The following FAM135B variants were observed in gnomAD, a reference collection of about 807,000 sequenced individuals.
The protein encoded by FAM135B is protein FAM135B.
FAM135B carries 43 observed loss-of-function variants against 127.7 expected under a neutral mutation model. The observed-to-expected ratio is 0.34, with a 90% CI of 0.26 to 0.43. The LOEUF is 0.43. Ranked by LOEUF, FAM135B falls within the 20% of genes least tolerant of loss-of-function variation. The pLI is 1.00. For synonymous variants in FAM135B, 670 were observed against 665.1 expected (o/e 1.01, Z -0.11); for missense variants, 1,558 against 1,725.6 (o/e 0.90, Z 1.72).
intron 2 of FAM135B, among the ~76,000 whole-genome samples, chr8:138,364,032 A>G (rs1166878075): frequency 6.6e-6 from 1 of 152,156 alleles, no homozygotes; most frequent in East Asian, 1.9e-4. Context: ...CAACTTCCCC[A>G]AAATCTACAT....
chr8:138,194,035 C>T (rs1323894292), intron 9 of FAM135B, among the ~76,000 whole-genome samples: 5 of 152,192 alleles, frequency 3.3e-5, no homozygotes, highest in Non-Finnish European at 2.9e-5. Flanking sequence ...ATCCACACAC[C>T]GTCAATGCTG....
intron 1 of FAM135B, among the ~76,000 whole-genome samples, chr8:138,377,241 C>T (rs1831536160): frequency 6.6e-6 from 1 of 152,174 alleles, no homozygotes; most frequent in South Asian, 2.1e-4. Flanking sequence ...GAAAACATTA[C>T]TGTTCTCAAA....
At chr8:138,381,065 C>T (rs1273667499) in intron 1 of FAM135B, among the ~76,000 whole-genome samples, 1 of 152,074 alleles carries the variant, frequency 6.6e-6, no homozygotes, top group Non-Finnish European at 1.5e-5. Flanking sequence ...CTGAGATATC[C>T]GGGTCCTTAG....
At chr8:138,465,094 G>A (rs1837316023) in intron 1 of FAM135B, among the ~76,000 whole-genome samples, 1 of 152,178 alleles carries the variant, frequency 6.6e-6, no homozygotes, top group African/African-American at 2.4e-5. Flanking sequence ...GCCAAAAGCG[G>A]GAAGAGAAAG....
rs575251146 is a variant in FAM135B, at chr8:138,305,959, A to G, written c.157+4882T>C. Among the ~76,000 whole-genome samples the G allele has an allele frequency of 1.4e-3, 211 of 152,306 alleles. 1 individual carries two copies. Among genetic ancestry groups the G allele is most frequent in the Non-Finnish European group, 2.4e-3 (164 of 68,034 alleles). On this transcript the variant is annotated intron_variant, in intron 3 of 19. Transcript: ENST00000395297. ...TATGCATGTATGTTTGTGTGTGTAT[A>G]TGTTATGTCTTATGATTACTACAAA...
intron 1 of FAM135B, among the ~76,000 whole-genome samples, chr8:138,400,519 A>C (rs1276769228): frequency 6.6e-6 from 1 of 152,182 alleles, no homozygotes; most frequent in African/African-American, 2.4e-5. Flanking sequence ...GAGGAAGGGA[A>C]GATGAGAGGA....
At chr8:138,264,457 C>T (rs1030455732) in intron 4 of FAM135B, among the ~76,000 whole-genome samples, 14 of 152,196 alleles carry the variant, frequency 9.2e-5, no homozygotes. Flanking sequence ...GTGCAAACTC[C>T]TATACTCTTA....
At chr8:138,460,798 C>T (rs11998576) in intron 1 of FAM135B, among the ~76,000 whole-genome samples, 5,304 of 152,000 alleles carry the variant, frequency 0.035, 250 homozygotes, top group African/African-American at 0.1. Flanking sequence ...AGAGATGTGA[C>T]GTTGGGAGCT....
chr8:138,385,647 C>T (rs1485593849), intron 1 of FAM135B, among the ~76,000 whole-genome samples: 2 of 151,640 alleles, frequency 1.3e-5, no homozygotes, highest in Admixed American at 1.3e-4. Context: ...ACTGTGTCTA[C>T]TAAAAAACAC....
At chr8:138,426,786 G>A (rs553999813) in intron 1 of FAM135B, among the ~76,000 whole-genome samples, 17 of 151,724 alleles carry the variant, frequency 1.1e-4, no homozygotes, top group African/African-American at 3.6e-4. Flanking sequence ...TATGAGACAC[G>A]AATTATGATA....
chr8:138,366,033 T>G (rs927322482), intron 2 of FAM135B, among the ~76,000 whole-genome samples: 1 of 152,150 alleles, frequency 6.6e-6, no homozygotes, highest in African/African-American at 2.4e-5. Context: ...GGCTGTCTTG[T>G]GCACCCTGGG....
intron 1 of FAM135B, among the ~76,000 whole-genome samples, chr8:138,467,634 A>G (rs961034539): frequency 2.0e-5 from 3 of 152,192 alleles, no homozygotes; most frequent in Non-Finnish European, 4.4e-5. Context: ...CAACTCCAAC[A>G]TGTGGAAATT....
chr8:138,142,919 A>C (rs193065833), intron 16 of FAM135B, 93 bp downstream of exon 16: 295 of 712,514 alleles, frequency 4.1e-4, no homozygotes, highest in Non-Finnish European at 6.5e-4. Flanking sequence ...TCAGTGGTAT[A>C]CAGAAGGCAT....
intron 3 of FAM135B, among the ~76,000 whole-genome samples, chr8:138,267,098 T>A (rs1169607697): frequency 6.6e-6 from 1 of 152,202 alleles, no homozygotes; most frequent in Non-Finnish European, 1.5e-5. Context: ...CTTTCACCAA[T>A]GTGATTATAT....
intron 1 of FAM135B, among the ~76,000 whole-genome samples, chr8:138,376,500 T>C (rs1355893213): frequency 6.6e-6 from 1 of 152,198 alleles, no homozygotes; most frequent in Non-Finnish European, 1.5e-5. Context: ...AAGTTCTGCT[T>C]ATCTCAAAAG....
chr8:138,158,468 G>A (rs914534650), intron 12 of FAM135B, among the ~76,000 whole-genome samples: 1 of 152,174 alleles, frequency 6.6e-6, no homozygotes, highest in Non-Finnish European at 1.5e-5. Flanking sequence ...AAGAGCTTCT[G>A]CACAGCAAAA....
intron 5 of FAM135B, among the ~76,000 whole-genome samples, chr8:138,256,095 AG>A (rs1292112039): frequency 6.6e-6 from 1 of 152,108 alleles, no homozygotes; most frequent in African/African-American, 2.4e-5. Context: ...TACCTAAAAA[AG>A]GATGACTTAC....
intron 1 of FAM135B, chr8:138,459,499 T>G (rs1185816387): frequency 6.6e-6 from 1 of 152,178 alleles, no homozygotes; most frequent in African/African-American, 2.4e-5. Flanking sequence ...CATGAAGCTC[T>G]CTAATGCCTT....
chr8:138,493,414 C>T (rs1007219056), intron 1 of FAM135B, among the ~76,000 whole-genome samples: 2 of 152,146 alleles, frequency 1.3e-5, no homozygotes, highest in Non-Finnish European at 2.9e-5. Flanking sequence ...GGAGGAGACT[C>T]ATTTGGGGCA....
Sources: allele counts gnomAD v4.1 joint callset (sites outside exome capture counted in the v4.1 genomes callset), GRCh38; gene constraint gnomAD v4.1.1; transcripts MANE v1.5; gene names NCBI Gene and HGNC (gene_info 2026-07-23, HGNC 2026-07-21).